SERINC5: variants seen among roughly 807,000 people sequenced by gnomAD.
The protein encoded by SERINC5 is chromosome 5 open reading frame 12.
SERINC5 carries 41 observed loss-of-function variants against 63.1 expected under a neutral mutation model. The observed-to-expected ratio is 0.65, with a 90% CI of 0.51 to 0.84. The LOEUF is 0.84. SERINC5 is among the 40% of genes least tolerant of loss of function. The probability of loss-of-function intolerance (pLI) is 0.00; values close to 1 mark genes in which losing one functional copy is unlikely to be tolerated. For missense variants in SERINC5, 523 were observed against 573.0 expected (o/e 0.91, Z 0.89); for synonymous variants, 222 against 215.2 (o/e 1.03, Z -0.28).
In SERINC5 at chr5:80,115,349, CCAA is replaced by C. The variant is rs1447437928; in HGVS notation, c.1239-1727_1239-1725del. On this transcript the variant is annotated intron_variant, in intron 11 of 12. Coordinates refer to the SERINC5 transcript ENST00000509193. ...AGACCTATCATCCAAGGTTGTCTCT[CCAA>C]TGACCTTAGCAGGTTCAGAATAACC... Among the ~76,000 whole-genome samples the C allele has an allele frequency of 6.0e-4, 91 of 152,098 alleles. 1 individual carries two copies. Among genetic ancestry groups the C allele is most frequent in the African/African-American group, 2.1e-3 (87 of 41,386 alleles).
intron 7 of SERINC5, among the ~76,000 whole-genome samples, chr5:80,161,820 A>G (rs554716394): frequency 6.6e-6 from 1 of 152,204 alleles, no homozygotes; most frequent in South Asian, 2.1e-4. Flanking sequence ...TTCTTCTAGC[A>G]TTTTTACAGT....
intron 5 of SERINC5, among the ~76,000 whole-genome samples, chr5:80,170,574 T>C (rs1167979325): frequency 6.6e-6 from 1 of 152,180 alleles, no homozygotes; most frequent in Non-Finnish European, 1.5e-5. Flanking sequence ...TTTATTTCCT[T>C]TAGCTACCTA....
intron 11 of SERINC5, among the ~76,000 whole-genome samples, chr5:80,126,833 A>G (rs1199036292): frequency 6.6e-6 from 1 of 152,190 alleles, no homozygotes; most frequent in East Asian, 1.9e-4. Flanking sequence ...AGCTCAAGTG[A>G]TCTTCCCACC....
At chr5:80,239,467 C>CT (rs35238009) in intron 1 of SERINC5, among the ~76,000 whole-genome samples, 2,001 of 133,934 alleles carry the variant, frequency 0.015, 43 homozygotes, top group African/African-American at 0.044. Context: ...CACTGGGATT[C>CT]TTTTTTTTTT....
In SERINC5 at chr5:80,138,837, C is replaced by T; in HGVS notation, c.*4826G>A. 1.0e-6 allele frequency: 1 copy of T among 983,788 alleles called. No homozygotes were observed. The allele number at this position is 983,788 out of a possible 1,614,324, so 60.9% of individuals were successfully genotyped here. On this transcript the variant is annotated 3_prime_UTR_variant, in exon 12 of 12. Coordinates refer to ENST00000507668, the MANE Select transcript of SERINC5 (RefSeq NM_001174072.3). The stretch of plus-strand genomic sequence containing the variant: ...TGAAGGCAACATCTCTGCAAAACAA[C>T]TAACTTGAGTACTTTAATTATATAT...
rs1360181733 is a variant in SERINC5, at chr5:80,169,414, T to C, written c.684A>G (p.Glu228=). 1.9e-6 allele frequency: 3 copies of C among 1,613,998 alleles called. No individual in the cohort carries two copies. Among genetic ancestry groups the C allele is most frequent in the African/African-American group, 1.3e-5 (1 of 75,050 alleles). ...VFYTQKDSCM[E]NKILLGVNGG... The stretch of plus-strand genomic sequence containing the variant: ...CATTTACTCCCAGCAGAATTTTGTT[T>C]TCCATGCAGCTGTCTTTCTGTGTAT... The change falls in exon 6 of 12, where the codon GAA becomes GAG. Residue 228 remains glutamate (E), a synonymous_variant. Coordinates refer to ENST00000507668, the MANE Select transcript of SERINC5 (RefSeq NM_001174072.3).
chr5:80,208,439 GC>G (rs139908438), intron 1 of SERINC5, among the ~76,000 whole-genome samples: 15,720 of 151,426 alleles, frequency 0.1, 884 homozygotes, highest in East Asian at 0.16. Context: ...AACAGTGCCT[GC>G]CCCCCCAAAC....
At chr5:80,245,037 G>A (rs878969120) in intron 1 of SERINC5, among the ~76,000 whole-genome samples, 1 of 152,126 alleles carries the variant, frequency 6.6e-6, no homozygotes, top group Admixed American at 6.5e-5. Flanking sequence ...GACCAGGCCA[G>A]TTGGCTCCAC....
At chr5:80,211,306 ACT>A (rs1452940096) in intron 1 of SERINC5, among the ~76,000 whole-genome samples, 1 of 152,082 alleles carries the variant, frequency 6.6e-6, no homozygotes, top group African/African-American at 2.4e-5. Context: ...AAAGCCCCTG[ACT>A]CTGACCGAGT....
chr5:80,203,264 A>G lies in SERINC5; in HGVS notation c.28-211T>C, dbSNP rs960336535. ...TAAATAAATATATATACACATATAT[A>G]TATATATGTGTATATATATTTATAT... is the stretch of plus-strand genomic sequence containing the variant. On this transcript the variant is annotated intron_variant, in intron 1 of 11. Coordinates refer to ENST00000507668, the MANE Select transcript of SERINC5 (RefSeq NM_001174072.3). 1.7e-5 allele frequency: 4 copies of G among 230,788 alleles called. No individual in the cohort carries two copies. In the South Asian group the frequency reaches 2.5e-4, roughly 15 times the overall value. The allele number at this position is 230,788 out of a possible 1,614,324, so 14.3% of individuals were successfully genotyped here.
chr5:80,136,861 T>C (rs1745198255), downstream of SERINC5, among the ~76,000 whole-genome samples: 1 of 152,126 alleles, frequency 6.6e-6, no homozygotes, highest in South Asian at 2.1e-4. Context: ...TCAGGCTGGG[T>C]GCAGTGGCTC....
At chr5:80,174,581 T>C (rs1747900683) in intron 5 of SERINC5, among the ~76,000 whole-genome samples, 1 of 151,910 alleles carries the variant, frequency 6.6e-6, no homozygotes, top group Non-Finnish European at 1.5e-5. Context: ...GCACATTTTC[T>C]AGATTCTTAT....
chr5:80,189,308 C>T (rs1749035064), intron 2 of SERINC5, among the ~76,000 whole-genome samples: 1 of 152,166 alleles, frequency 6.6e-6, no homozygotes, highest in Non-Finnish European at 1.5e-5. Context: ...TCCTGTGCTG[C>T]CCCGGCAAGG....
At chr5:80,144,905 A>C (rs185310301) in intron 11 of SERINC5, among the ~76,000 whole-genome samples, 1 of 151,946 alleles carries the variant, frequency 6.6e-6, no homozygotes, top group Admixed American at 6.6e-5. Flanking sequence ...GGTCAAAAAA[A>C]TTATGATACA....
chr5:80,157,001 T>TTTC (rs1303736909), intron 8 of SERINC5: 2 of 147,278 alleles, frequency 1.4e-5, no homozygotes, highest in South Asian at 2.1e-4. Flanking sequence ...TTCTTTTTTT[T>TTTC]TTTTTTTTTT....
At chr5:80,243,260 T>C (rs945356331) in intron 1 of SERINC5, among the ~76,000 whole-genome samples, 1 of 152,194 alleles carries the variant, frequency 6.6e-6, no homozygotes, top group Non-Finnish European at 1.5e-5. Flanking sequence ...TAGAGTGATG[T>C]TGGCTTCCTA....
intron 2 of SERINC5, among the ~76,000 whole-genome samples, chr5:80,185,720 T>C (rs1748754853): frequency 6.6e-6 from 1 of 152,018 alleles, no homozygotes; most frequent in African/African-American, 2.4e-5. Context: ...AGGTGCTCAG[T>C]GGGGGAGCTT....
At chr5:80,178,091 C>T in intron 2 of SERINC5, 27 bp from the exon 3 acceptor site, 4 of 1,506,628 alleles carry the variant, frequency 2.7e-6, no homozygotes, top group Non-Finnish European at 3.6e-6. Flanking sequence ...GAAAAGTCAT[C>T]TGTTACAACT....
At chr5:80,175,790 T>G (rs778671469) in intron 4 of SERINC5, among the ~76,000 whole-genome samples, 2 of 142,240 alleles carry the variant, frequency 1.4e-5, no homozygotes, top group African/African-American at 5.3e-5. Context: ...CTTGAACCTG[T>G]GAGGTGGAGG....
Sources: gnomAD v4.1 joint callset for allele counts (sites outside exome capture counted in the v4.1 genomes callset) on GRCh38, gnomAD v4.1.1 for gene constraint, MANE v1.5 for transcripts, NCBI Gene and HGNC (gene_info 2026-07-23, HGNC 2026-07-21) for gene names.